CCDC141: variants seen among roughly 807,000 people sequenced by gnomAD.
CCDC141 encodes the protein coiled-coil domain containing 141, also known as coiled-coil domain-containing protein 141.
CCDC141 carries 168 observed loss-of-function variants against 181.0 expected under a neutral mutation model. That is an observed-to-expected ratio of 0.93 (90% CI 0.82 to 1.05). The LOEUF is 1.05. Ranked by LOEUF, CCDC141 falls within the 50% of genes least tolerant of loss-of-function variation. The pLI, the probability that CCDC141 is intolerant of heterozygous loss-of-function variation, is 0.00. For missense variants in CCDC141, 1,902 were observed against 1,788.5 expected, an observed-to-expected ratio of 1.06 and a Z score of -1.14; for synonymous variants, 666 against 642.3, an observed-to-expected ratio of 1.04 and a Z score of -0.56.
At chr2:178,817,164 G>C in the CCDC141 span, among the ~76,000 whole-genome samples, 2 of 152,126 alleles carry the variant, frequency 1.3e-5, no homozygotes, top group Non-Finnish European at 2.9e-5. Context: ...CTTTACCTAA[G>C]TGGACAACTG....
intron 2 of CCDC141, among the ~76,000 whole-genome samples, chr2:179,024,027 C>T (rs1013460414): frequency 6.6e-6 from 1 of 152,136 alleles, no homozygotes; most frequent in African/African-American, 2.4e-5. Context: ...AAGACAGGCC[C>T]GGCTTAGGTG....
intron 14 of CCDC141, among the ~76,000 whole-genome samples, chr2:178,871,032 G>A (rs887072333): frequency 6.6e-6 from 1 of 152,078 alleles, no homozygotes; most frequent in African/African-American, 2.4e-5. Flanking sequence ...GGTCACCTCA[G>A]GGACCCAGGG....
chr2:178,932,523 G>T (rs1188367782), intron 6 of CCDC141, among the ~76,000 whole-genome samples: 1 of 152,102 alleles, frequency 6.6e-6, no homozygotes, highest in African/African-American at 2.4e-5. Flanking sequence ...TAAAATATGT[G>T]TTAAAATGAG....
intron 6 of CCDC141, among the ~76,000 whole-genome samples, chr2:178,932,365 A>G (rs1437084808): frequency 6.6e-6 from 1 of 152,132 alleles, no homozygotes; most frequent in South Asian, 2.1e-4. Context: ...TTTAACTCCA[A>G]TTCCCTTGCC....
At chr2:178,987,655 G>C (rs1437627891) in intron 2 of CCDC141, among the ~76,000 whole-genome samples, 1 of 149,590 alleles carries the variant, frequency 6.7e-6, no homozygotes, top group Non-Finnish European at 1.5e-5. Flanking sequence ...AAAAGTGGGC[G>C]AAGGACATGA....
chr2:178,994,331 C>G (rs902310938), intron 2 of CCDC141, among the ~76,000 whole-genome samples: 3 of 152,156 alleles, frequency 2.0e-5, no homozygotes, highest in African/African-American at 7.2e-5. Context: ...TTCTGTGTAC[C>G]CACAGGCTTG....
At chr2:178,993,773 C>T (rs1692161530) in intron 2 of CCDC141, among the ~76,000 whole-genome samples, 1 of 152,122 alleles carries the variant, frequency 6.6e-6, no homozygotes, top group South Asian at 2.1e-4. Context: ...TAATTACTTC[C>T]TAGATACAAT....
chr2:178,853,405 A>G, intron 20 of CCDC141, 36 bp downstream of exon 20: 1 of 1,596,468 alleles, frequency 6.3e-7, no homozygotes, highest in African/African-American at 1.3e-5. Flanking sequence ...GATTTGTTCA[A>G]TGGCCAATCA....
At chr2:178,894,600 T>G (rs1040157351) in intron 8 of CCDC141, among the ~76,000 whole-genome samples, 1 of 150,226 alleles carries the variant, frequency 6.7e-6, no homozygotes, top group African/African-American at 2.5e-5. Flanking sequence ...ACAAAAAAAT[T>G]AGAAATCACA....
chr2:178,967,908 T>C (rs528182333), intron 4 of CCDC141, among the ~76,000 whole-genome samples: 14 of 151,068 alleles, frequency 9.3e-5, no homozygotes, highest in Non-Finnish European at 1.8e-4. Flanking sequence ...ACTAAGCAAA[T>C]GGAAAGTAAA....
intron 9 of CCDC141, 49 bp downstream of exon 9, chr2:178,888,478 C>T: frequency 6.6e-7 from 1 of 1,519,992 alleles, no homozygotes; most frequent in African/African-American, 1.4e-5. Flanking sequence ...CCTACCATAT[C>T]ATCTATTATC....
chr2:178,879,550 T>G (rs749996686), intron 11 of CCDC141, among the ~76,000 whole-genome samples: 8 of 152,146 alleles, frequency 5.3e-5, no homozygotes, highest in Non-Finnish European at 7.4e-5. Context: ...AAATGCTACT[T>G]CCTCCATGGA....
chr2:178,957,143 G>C (rs1690196020), intron 5 of CCDC141, among the ~76,000 whole-genome samples: 1 of 152,160 alleles, frequency 6.6e-6, no homozygotes, highest in African/African-American at 2.4e-5. Flanking sequence ...AAAGTGCTGG[G>C]ATTACAGTCG....
At chr2:178,864,009 C>A (rs768555814) in intron 17 of CCDC141, among the ~76,000 whole-genome samples, 2 of 152,164 alleles carry the variant, frequency 1.3e-5, no homozygotes, top group Non-Finnish European at 2.9e-5. Flanking sequence ...AATAGAATTC[C>A]TGCTGGAAGG....
At chr2:178,882,468 T>C (rs1686669799) in intron 11 of CCDC141, among the ~76,000 whole-genome samples, 1 of 152,204 alleles carries the variant, frequency 6.6e-6, no homozygotes, top group Admixed American at 6.5e-5. Flanking sequence ...AGGAAAGAAC[T>C]AATCACAGAT....
chr2:178,850,261 T>C, intron 20 of CCDC141, 100 bp from the exon 21 acceptor site: 2 of 647,868 alleles, frequency 3.1e-6, no homozygotes, highest in South Asian at 1.8e-5. Flanking sequence ...TAAGGGCTGA[T>C]AAATTGTAAG....
At chr2:178,880,811 G>A (rs1462232567) in intron 11 of CCDC141, among the ~76,000 whole-genome samples, 1 of 152,196 alleles carries the variant, frequency 6.6e-6, no homozygotes, top group Non-Finnish European at 1.5e-5. Context: ...GATTAAAAGA[G>A]ACATAGAAGC....
intron 3 of CCDC141, among the ~76,000 whole-genome samples, chr2:178,977,872 C>A (rs867509569): frequency 8.5e-5 from 13 of 152,086 alleles, no homozygotes; most frequent in Admixed American, 2.6e-4. Flanking sequence ...AAATTAGAAA[C>A]CTCAAAAAAT....
At chr2:179,045,963 ATTCT>A (rs377731653) in intron 2 of CCDC141, among the ~76,000 whole-genome samples, 29 of 152,242 alleles carry the variant, frequency 1.9e-4, no homozygotes, top group Non-Finnish European at 3.4e-4. Flanking sequence ...CTTTGTACTA[ATTCT>A]TTCTTCAACT....
Sources: gnomAD v4.1 joint callset for allele counts (sites outside exome capture counted in the v4.1 genomes callset) on GRCh38, gnomAD v4.1.1 for gene constraint, MANE v1.5 for transcripts, NCBI Gene and HGNC (gene_info 2026-07-23, HGNC 2026-07-21) for gene names.